The following TAB2 variants were observed in gnomAD, a reference collection of about 807,000 sequenced individuals.
The protein encoded by TAB2 is TGF-beta activated kinase 1 (MAP3K7) binding protein 2.
Under a neutral mutation model 65.0 loss-of-function variants are expected in TAB2, and 3 were observed. That is an observed-to-expected ratio of 0.05 (90% confidence interval 0.02 to 0.12). TAB2 has a LOEUF of 0.12. TAB2 is among the 10% of genes least tolerant of loss of function. TAB2 has a pLI of 1.00. For missense variants in TAB2, 623 were observed against 840.3 expected (o/e 0.74, Z 3.20); for synonymous variants, 298 against 285.1 (o/e 1.05, Z -0.46).
At chr6:149,391,242 A>G (rs1781972823) in intron 3 of TAB2, among the ~76,000 whole-genome samples, 1 of 152,086 alleles carries the variant, frequency 6.6e-6, no homozygotes, top group Non-Finnish European at 1.5e-5. Context: ...CTTTGTATGT[A>G]ATCTACTTTT....
At chr6:149,390,849 CCAGT>C (rs1781960330) in intron 3 of TAB2, among the ~76,000 whole-genome samples, 1 of 152,096 alleles carries the variant, frequency 6.6e-6, no homozygotes, top group African/African-American at 2.4e-5. Flanking sequence ...ACTGCAAAGC[CCAGT>C]CATTTATCTG....
At chr6:149,323,676 A>C (rs141562725) in intron 1 of TAB2, among the ~76,000 whole-genome samples, 2 of 152,292 alleles carry the variant, frequency 1.3e-5, no homozygotes, top group East Asian at 3.9e-4. Flanking sequence ...CTCTACCTAA[A>C]GAATAATAAT....
At chr6:149,295,896 C>T (rs1303596609) in intron 1 of TAB2, among the ~76,000 whole-genome samples, 7 of 152,134 alleles carry the variant, frequency 4.6e-5, no homozygotes, top group African/African-American at 9.7e-5. Flanking sequence ...TTCAGCCTCC[C>T]GAGCAGCTGG....
intron 1 of TAB2, among the ~76,000 whole-genome samples, chr6:149,285,160 C>T (rs1033971175): frequency 3.9e-5 from 6 of 152,206 alleles, no homozygotes; most frequent in Non-Finnish European, 8.8e-5. Flanking sequence ...AGGCTACATT[C>T]TCCTGGTTTG....
intron 1 of TAB2, among the ~76,000 whole-genome samples, chr6:149,284,237 C>G (rs1424091502): frequency 6.6e-6 from 1 of 152,168 alleles, no homozygotes; most frequent in Non-Finnish European, 1.5e-5. Flanking sequence ...TTGTCCCCCA[C>G]ATACCCAGCC....
intron 5 of TAB2, among the ~76,000 whole-genome samples, chr6:149,398,689 A>C (rs527276714): frequency 1.3e-5 from 2 of 152,188 alleles, no homozygotes; most frequent in Non-Finnish European, 2.9e-5. Flanking sequence ...GTAAAATTTT[A>C]ACCATTCTAT....
At chr6:149,349,920 C>T (rs1325435064) in intron 1 of TAB2, among the ~76,000 whole-genome samples, 1 of 151,958 alleles carries the variant, frequency 6.6e-6, no homozygotes, top group Non-Finnish European at 1.5e-5. Flanking sequence ...AACTAACATA[C>T]ATGCATGCAT....
intron 1 of TAB2, among the ~76,000 whole-genome samples, chr6:149,239,708 C>T (rs1255897242): frequency 2.0e-5 from 3 of 152,212 alleles, no homozygotes; most frequent in African/African-American, 4.8e-5. Context: ...CACTTGGTTA[C>T]TTCCCCAAGG....
chr6:149,398,790 G>A (rs1458981052), intron 5 of TAB2, among the ~76,000 whole-genome samples: 2 of 151,874 alleles, frequency 1.3e-5, no homozygotes, highest in African/African-American at 4.8e-5. Flanking sequence ...ATTTTAAATT[G>A]TGAAATTTTA....
rs373723483 is a variant in TAB2, at chr6:149,397,999, A to G, written c.1795A>G (p.Asn599Asp). 1 of 1,613,668 alleles carries G rather than the reference A, an allele frequency of 6.2e-7. No individual in the cohort carries two copies. Among genetic ancestry groups the G allele is most frequent in the Non-Finnish European group, 8.5e-7 (1 of 1,179,880 alleles). The change falls in exon 5 of 7, where the codon AAT (asparagine) becomes GAT (aspartate). Residue 599 changes from asparagine (N) to aspartate (D), a missense_variant. By Grantham distance (23) the Asn-to-Asp change is conservative. This residue lies in a region of TAB2 where 56 missense variants were observed against 130.3 expected (regional missense o/e 0.43). Transcript: ENST00000637181. ...LEEMQQLRSC[N>D]RQLQIDIDCL... The stretch of plus-strand genomic sequence containing the variant: ...AGAAATGCAGCAGCTGAGAAGTTGT[A>G]ATAGACAACTCCAGATTGACATTGA...
chr6:149,245,208 C>T (rs1225033710), intron 1 of TAB2: 1 of 152,208 alleles, frequency 6.6e-6, no homozygotes, highest in African/African-American at 2.4e-5. Context: ...CATTCAGATT[C>T]AGTAGGGCTT....
chr6:149,253,292 C>A (rs1777897724), intron 1 of TAB2, among the ~76,000 whole-genome samples: 1 of 152,234 alleles, frequency 6.6e-6, no homozygotes, highest in South Asian at 2.1e-4. Context: ...GATATACTCT[C>A]TAATTCCCTT....
At chr6:149,366,646 C>T (rs1781049333) in intron 1 of TAB2, among the ~76,000 whole-genome samples, 2 of 152,052 alleles carry the variant, frequency 1.3e-5, no homozygotes, top group Admixed American at 1.3e-4. Flanking sequence ...CAATTTGTTT[C>T]TTCCTCCTTC....
In TAB2 at chr6:149,410,381, A is replaced by G. The variant is rs1782809683; in HGVS notation, c.*662A>G. ...GTACAGATCTCTCGAGTCTGCTTTA[A>G]GTGATTTCTTTTCTTCTTGATTATT... On this transcript the variant is annotated 3_prime_UTR_variant, in exon 7 of 7. Transcript: ENST00000637181. The G allele has an allele frequency of 6.5e-6, 1 of 152,782 alleles. No homozygotes were observed. The highest frequency in any genetic ancestry group is 2.1e-4 in the South Asian group (1 of 4,838). The allele number at this position is 152,782 out of a possible 1,614,324, so 9.5% of individuals were successfully genotyped here.
chr6:149,301,676 G>A (rs1466381309), intron 1 of TAB2, among the ~76,000 whole-genome samples: 2 of 152,142 alleles, frequency 1.3e-5, no homozygotes, highest in Non-Finnish European at 2.9e-5. Context: ...ATCTTCATTT[G>A]AATGTTTCCA....
chr6:149,335,899 GATAA>G (rs1444213043), intron 1 of TAB2, among the ~76,000 whole-genome samples: 1 of 151,866 alleles, frequency 6.6e-6, no homozygotes, highest in African/African-American at 2.4e-5. Context: ...ATTGTGTGTA[GATAA>G]ATATAGATAT....
At chr6:149,331,170 T>C (rs1037885440) in intron 1 of TAB2, among the ~76,000 whole-genome samples, 1 of 152,188 alleles carries the variant, frequency 6.6e-6, no homozygotes, top group Non-Finnish European at 1.5e-5. Flanking sequence ...ATTTTTATTT[T>C]GTTGAGTCTT....
chr6:149,380,002 G>T, intron 3 of TAB2: 1 of 448,810 alleles, frequency 2.2e-6, no homozygotes, highest in Non-Finnish European at 4.5e-6. Context: ...TGCTTTGGGA[G>T]GCCAAGATGG....
intron 1 of TAB2, among the ~76,000 whole-genome samples, chr6:149,237,080 A>C (rs1777508878): frequency 6.6e-6 from 1 of 152,072 alleles, no homozygotes. Context: ...AGGCACTGTG[A>C]AGTGTTATAT....
Sources: gnomAD v4.1 joint callset for allele counts (sites outside exome capture counted in the v4.1 genomes callset) on GRCh38, gnomAD v4.1.1 for gene constraint, gnomAD v4.1.1 regional missense constraint, MANE v1.5 for transcripts, NCBI Gene and HGNC (gene_info 2026-07-23, HGNC 2026-07-21) for gene names.